Variants in XKR6 observed in about 807,000 individuals in gnomAD.
XKR6 encodes XK-related protein 6.
A neutral mutation model predicts 56.7 loss-of-function variants in XKR6; 22 were observed. The observed-to-expected ratio is 0.39, with a 90% confidence interval of 0.28 to 0.55. XKR6 has a LOEUF of 0.55. Ranked by LOEUF, XKR6 falls within the 20% of genes least tolerant of loss-of-function variation. XKR6 has a pLI of 0.66. For synonymous variants in XKR6, 524 were observed against 387.8 expected, an observed-to-expected ratio of 1.35 and a Z score of -4.13; for missense variants, 852 against 889.0, an observed-to-expected ratio of 0.96 and a Z score of 0.53.
chr8:11,174,095 C>T (rs530227150), intron 1 of XKR6, among the ~76,000 whole-genome samples: 47 of 152,194 alleles, frequency 3.1e-4, no homozygotes, highest in African/African-American at 9.2e-4. Context: ...AGGTCCAACT[C>T]GATTAATTTC....
chr8:11,123,871 C>CA (rs1203791590), intron 1 of XKR6: 19 of 456,308 alleles, frequency 4.2e-5, no homozygotes, highest in African/African-American at 3.8e-4. Context: ...CTGGCACCTG[C>CA]ACTGTGCTCT....
chr8:10,978,344 G>C (rs1273115278), intron 1 of XKR6, among the ~76,000 whole-genome samples: 1 of 152,186 alleles, frequency 6.6e-6, no homozygotes, highest in African/African-American at 2.4e-5. Flanking sequence ...TGGCCAATTT[G>C]AGAAACTTAA....
At chr8:10,902,478 C>A (rs1211498564) in intron 2 of XKR6, among the ~76,000 whole-genome samples, 1 of 152,146 alleles carries the variant, frequency 6.6e-6, no homozygotes, top group Non-Finnish European at 1.5e-5. Context: ...CCTGCCATGT[C>A]GCGCTGCTCC....
chr8:10,997,897 T>G, intron 1 of XKR6, among the ~76,000 whole-genome samples: 1 of 152,164 alleles, frequency 6.6e-6, no homozygotes, highest in East Asian at 1.9e-4. Context: ...CAACTTGACC[T>G]TAAAATAGCA....
At chr8:10,955,351 T>A (rs1801852372) in intron 1 of XKR6, among the ~76,000 whole-genome samples, 1 of 152,154 alleles carries the variant, frequency 6.6e-6, no homozygotes, top group Non-Finnish European at 1.5e-5. Flanking sequence ...TTTCTTATTT[T>A]TTTATTTTTT....
intron 1 of XKR6, among the ~76,000 whole-genome samples, chr8:11,086,148 A>ATATATATATATATATATATATATATTT (rs71203369): frequency 8.3e-6 from 1 of 120,722 alleles, no homozygotes; most frequent in African/African-American, 3.9e-5. Flanking sequence ...ATATATATAT[A>ATATATATATATATATATATATATATTT]TTTTTTTTTA....
intron 2 of XKR6, among the ~76,000 whole-genome samples, chr8:10,911,571 T>TAGAGAGAG (rs1470353658): frequency 1.4e-4 from 20 of 146,210 alleles, no homozygotes; most frequent in Non-Finnish European, 2.7e-4. Context: ...TCTATATATA[T>TAGAGAGAG]ATAGAGAGAG....
intron 1 of XKR6, among the ~76,000 whole-genome samples, chr8:10,961,160 A>T (rs1802048579): frequency 2.0e-5 from 3 of 152,072 alleles, no homozygotes; most frequent in Admixed American, 1.3e-4. Flanking sequence ...CCAGCAGAAG[A>T]AGTTGCATTT....
intron 1 of XKR6, among the ~76,000 whole-genome samples, chr8:10,948,699 G>T (rs1346469760): frequency 6.6e-6 from 1 of 152,140 alleles, no homozygotes; most frequent in Non-Finnish European, 1.5e-5. Context: ...CTGCCAGCTG[G>T]CTGCTTTCCC....
chr8:10,956,973 T>C (rs1801909131), intron 1 of XKR6, among the ~76,000 whole-genome samples: 1 of 152,166 alleles, frequency 6.6e-6, no homozygotes, highest in Non-Finnish European at 1.5e-5. Context: ...TTTTTTGAGA[T>C]GGAGTCTTGC....
chr8:11,075,410 G>A (rs774974574), intron 1 of XKR6, among the ~76,000 whole-genome samples: 6 of 152,108 alleles, frequency 3.9e-5, no homozygotes, highest in Non-Finnish European at 7.3e-5. Flanking sequence ...AGAAACACCC[G>A]GTAGGTGCTT....
At chr8:10,999,041 C>G (rs1223258286) in intron 1 of XKR6, among the ~76,000 whole-genome samples, 2 of 152,208 alleles carry the variant, frequency 1.3e-5, no homozygotes, top group Admixed American at 6.5e-5. Flanking sequence ...ACCCTCCTCT[C>G]AATGCTTGGA....
chr8:11,023,176 C>T (rs1027396212), intron 1 of XKR6, among the ~76,000 whole-genome samples: 1 of 152,162 alleles, frequency 6.6e-6, no homozygotes, highest in African/African-American at 2.4e-5. Context: ...TGGGGAGGGC[C>T]CTCCCTCCAT....
In XKR6 at chr8:10,897,893, A is replaced by G; in HGVS notation, c.*59T>C. 2 of 1,513,204 alleles carry G rather than the reference A, an allele frequency of 1.3e-6. No homozygotes were observed. The highest frequency in any genetic ancestry group is 1.8e-6 in the Non-Finnish European group (2 of 1,132,514). 93.7% of individuals were successfully genotyped at this position (1,513,204 alleles called of 1,614,324 possible). A position where few individuals can be genotyped will look rare whatever the true frequency, so the allele number is the denominator to read the frequency against. ...GGGAAGGGAGGGTTATATTTCTTGC[A>G]AGTGCTGTTTGCCGCAAACCAAACT... is the stretch of plus-strand genomic sequence containing the variant. On this transcript the variant is annotated 3_prime_UTR_variant, in exon 3 of 3. Transcript: ENST00000416569.
intron 1 of XKR6, among the ~76,000 whole-genome samples, chr8:11,103,101 G>T (rs2129176643): frequency 6.6e-6 from 1 of 152,290 alleles, no homozygotes; most frequent in East Asian, 1.9e-4. Context: ...ATCAGTTGCT[G>T]ATGGCAGTTT....
intron 1 of XKR6, among the ~76,000 whole-genome samples, chr8:11,157,689 G>A (rs1468186866): frequency 6.6e-6 from 1 of 151,986 alleles, no homozygotes; most frequent in African/African-American, 2.4e-5. Context: ...CTAATTCTTT[G>A]GGGTTTTTCT....
At chr8:11,133,279 C>T (rs1443419722) in intron 1 of XKR6, among the ~76,000 whole-genome samples, 13 of 152,206 alleles carry the variant, frequency 8.5e-5, no homozygotes, top group South Asian at 4.1e-4. Flanking sequence ...AAAAATACGG[C>T]GTCAGCTTCA....
intron 1 of XKR6, among the ~76,000 whole-genome samples, chr8:10,945,168 G>A (rs1801497203): frequency 6.6e-6 from 1 of 152,152 alleles, no homozygotes; most frequent in Non-Finnish European, 1.5e-5. Flanking sequence ...TCTCCAAGAC[G>A]TTGCAAAAAA....
intron 2 of XKR6, among the ~76,000 whole-genome samples, chr8:10,906,097 A>G (rs1032890057): frequency 5.9e-5 from 9 of 152,076 alleles, no homozygotes; most frequent in Non-Finnish European, 1.0e-4. Context: ...ACCCGAGACT[A>G]TTTCACTCCC....
Sources: gnomAD v4.1 joint callset for allele counts (sites outside exome capture counted in the v4.1 genomes callset) on GRCh38, gnomAD v4.1.1 for gene constraint, MANE v1.5 for transcripts, NCBI Gene and HGNC (gene_info 2026-07-23, HGNC 2026-07-21) for gene names.